STPG2: variants seen among roughly 807,000 people sequenced by gnomAD.
The protein encoded by STPG2 is sperm tail PG-rich repeat containing 2.
STPG2 carries 56 observed loss-of-function variants against 54.2 expected under a neutral mutation model. The observed-to-expected ratio is 1.03, with a 90% CI of 0.83 to 1.29. The LOEUF (loss-of-function observed/expected upper bound fraction) is 1.29, where lower values mean the gene tolerates loss of function less well. STPG2 is among the 50% of genes most tolerant of loss of function. STPG2 has a pLI of 0.00. For missense variants in STPG2, 596 were observed against 544.9 expected (o/e 1.09, Z -0.93); for synonymous variants, 200 against 181.8 (o/e 1.10, Z -0.81).
intron 10 of STPG2, among the ~76,000 whole-genome samples, chr4:97,652,740 G>C (rs1314123457): frequency 2.6e-5 from 4 of 151,886 alleles, no homozygotes; most frequent in Non-Finnish European, 4.4e-5. Context: ...GAATGGTATA[G>C]ACAATAAGTG....
intron 8 of STPG2, among the ~76,000 whole-genome samples, chr4:97,908,363 C>G (rs1334853327): frequency 3.3e-5 from 5 of 151,094 alleles, no homozygotes; most frequent in Middle Eastern, 3.2e-3. Flanking sequence ...AGTCAGGAAA[C>G]AACAGGTGCT....
At chr4:98,070,532 G>C (rs551736955) in intron 5 of STPG2, among the ~76,000 whole-genome samples, 1 of 151,556 alleles carries the variant, frequency 6.6e-6, no homozygotes, top group Middle Eastern at 3.4e-3. Context: ...TATGGCAAGA[G>C]AAAGAAATAA....
intron 5 of STPG2, among the ~76,000 whole-genome samples, chr4:98,030,848 A>T (rs1287669305): frequency 6.6e-6 from 1 of 152,198 alleles, no homozygotes; most frequent in Admixed American, 6.5e-5. Flanking sequence ...GAAGACTGAA[A>T]CTGGGCCCCT....
chr4:98,049,275 A>G (rs940549123), intron 5 of STPG2, among the ~76,000 whole-genome samples: 1 of 152,210 alleles, frequency 6.6e-6, no homozygotes, highest in Admixed American at 6.5e-5. Context: ...GGGTCAGAAT[A>G]TCAAGCCCGT....
At chr4:97,830,019 G>A (rs1219246342) in intron 9 of STPG2, among the ~76,000 whole-genome samples, 1 of 152,090 alleles carries the variant, frequency 6.6e-6, no homozygotes, top group Non-Finnish European at 1.5e-5. Context: ...AGGAAATACA[G>A]AGAACACCAC....
chr4:97,634,510 GAGA>G (rs1325969859), intron 10 of STPG2, among the ~76,000 whole-genome samples: 3 of 152,174 alleles, frequency 2.0e-5, no homozygotes, highest in South Asian at 2.1e-4. Flanking sequence ...GACGAGCTGA[GAGA>G]AGAAGGCTTC....
At chr4:97,919,681 C>A (rs553391218) in intron 8 of STPG2, among the ~76,000 whole-genome samples, 1 of 151,808 alleles carries the variant, frequency 6.6e-6, no homozygotes, top group Non-Finnish European at 1.5e-5. Context: ...AACCTTCTCA[C>A]GGAGAAAAAT....
intron 8 of STPG2, among the ~76,000 whole-genome samples, chr4:97,919,024 T>G (rs147570769): frequency 1.3e-5 from 2 of 152,168 alleles, no homozygotes; most frequent in Non-Finnish European, 2.9e-5. Flanking sequence ...ATGCTCTACT[T>G]CAATCATGGA....
intron 4 of STPG2, among the ~76,000 whole-genome samples, chr4:97,471,983 A>G (rs1729947633): frequency 6.6e-6 from 1 of 152,190 alleles, no homozygotes; most frequent in South Asian, 2.1e-4. Context: ...ACAAAATCAT[A>G]TGAAGACTGA....
chr4:98,115,442 A>C (rs562556774), intron 3 of STPG2, among the ~76,000 whole-genome samples: 53 of 152,048 alleles, frequency 3.5e-4, no homozygotes, highest in Admixed American at 5.9e-4. Context: ...ATGTTATATA[A>C]AATAACTTTT....
At chr4:97,732,388 C>T (rs955521282) in intron 9 of STPG2, among the ~76,000 whole-genome samples, 1 of 152,190 alleles carries the variant, frequency 6.6e-6, no homozygotes, top group African/African-American at 2.4e-5. Flanking sequence ...GATCCAGTTT[C>T]ATTCGTCTTC....
At chr4:97,942,507 T>A (rs1486423018) in intron 8 of STPG2, among the ~76,000 whole-genome samples, 2 of 138,912 alleles carry the variant, frequency 1.4e-5, no homozygotes, top group African/African-American at 2.6e-5. Context: ...TTTGAATTTA[T>A]AATTACAAAA....
chr4:97,852,180 G>C (rs902171031), intron 8 of STPG2, among the ~76,000 whole-genome samples: 6 of 152,176 alleles, frequency 3.9e-5, no homozygotes, highest in African/African-American at 1.4e-4. Flanking sequence ...TTAAATAGCA[G>C]AGTTAGGAAA....
At chr4:97,897,941 G>C (rs868052303) in intron 8 of STPG2, among the ~76,000 whole-genome samples, 1 of 151,980 alleles carries the variant, frequency 6.6e-6, no homozygotes, top group African/African-American at 2.4e-5. Context: ...TTGCTTTTGT[G>C]TAATTGCTTT....
chr4:97,454,546 A>G (rs1729465693), intron 4 of STPG2, among the ~76,000 whole-genome samples: 1 of 148,472 alleles, frequency 6.7e-6, no homozygotes, highest in African/African-American at 2.5e-5. Flanking sequence ...AAAAAAAAAA[A>G]AAAAAAAAAA....
chr4:97,550,086 C>T lies in STPG2; in HGVS notation c.462+162613G>A, dbSNP rs114844622. On this transcript the variant is annotated intron_variant, in intron 4 of 4. Coordinates refer to the STPG2 transcript ENST00000522676. ...TAAAGTATTTTTAACTATAAACTAG[C>T]ACTTCATAGTTCAAAAGTTAAAAGA... Among the ~76,000 whole-genome samples the T allele has an allele frequency of 4.2e-3, 645 of 152,154 alleles. 1 individual carries two copies. Among genetic ancestry groups the T allele is most frequent in the Middle Eastern group, 0.014 (4 of 294 alleles).
Position 97,965,960 on chromosome 4 carries a change from C to T in STPG2, c.933+6320G>A, listed in dbSNP as rs1205412070. Among the ~76,000 whole-genome samples the T allele has an allele frequency of 2.0e-5, 3 of 152,152 alleles. No homozygotes were observed. The East Asian group carries it at 5.8e-4, about 29-fold the overall frequency. On this transcript the variant is annotated intron_variant, in intron 7 of 10. Coordinates refer to ENST00000295268, the MANE Select transcript of STPG2 (RefSeq NM_174952.3). Reference sequence around the variant, plus strand: ...TTCTAAAAACCAGAGTGCCTCTTCTCCTCTAAAGGATTGCAGATCCTCAAC... The same window carrying T: ...TTCTAAAAACCAGAGTGCCTCTTCTTCTCTAAAGGATTGCAGATCCTCAAC...
chr4:97,545,410 C>A (rs1306224699), intron 4 of STPG2, among the ~76,000 whole-genome samples: 1 of 152,018 alleles, frequency 6.6e-6, no homozygotes, highest in South Asian at 2.1e-4. Context: ...TTAAGAAATA[C>A]CCTTGATGTT....
In STPG2 at chr4:97,982,035, C is replaced by T. The variant is rs537778376; in HGVS notation, c.613-717G>A. Among the ~76,000 whole-genome samples the T allele has an allele frequency of 2.9e-3, 433 of 151,806 alleles. 3 individuals are homozygous for T. The highest frequency in any genetic ancestry group is 9.8e-3 in the African/African-American group (408 of 41,456). Reference sequence around the variant, plus strand: ...ACGCAGCTGGGACCACAGGCACCCGCCACCATGCCCAGCTATTTTTTTGTA... The same window carrying T: ...ACGCAGCTGGGACCACAGGCACCCGTCACCATGCCCAGCTATTTTTTTGTA... On this transcript the variant is annotated intron_variant, in intron 5 of 10. Transcript: ENST00000295268.
Sources: allele counts gnomAD v4.1 joint callset (sites outside exome capture counted in the v4.1 genomes callset), GRCh38; gene constraint gnomAD v4.1.1; transcripts MANE v1.5; gene names NCBI Gene and HGNC (gene_info 2026-07-23, HGNC 2026-07-21).